Variants in ASPSCR1 observed in about 807,000 individuals in gnomAD.
The protein encoded by ASPSCR1 is tether containing UBX domain for GLUT4.
ASPSCR1 carries 55 observed loss-of-function variants against 68.9 expected under a neutral mutation model. The observed-to-expected ratio is 0.80, with a 90% confidence interval of 0.64 to 1.00. The LOEUF is 1.00. ASPSCR1 is among the 50% of genes least tolerant of loss of function. The probability of loss-of-function intolerance (pLI) is 0.00; values close to 1 mark genes in which losing one functional copy is unlikely to be tolerated. For missense variants in ASPSCR1, 765 were observed against 762.2 expected, an observed-to-expected ratio of 1.00 and a Z score of -0.04; for synonymous variants, 352 against 332.6, an observed-to-expected ratio of 1.06 and a Z score of -0.63.
rs762233864 is a variant in ASPSCR1, at chr17:81,983,683, G to C, written c.273+15G>C. 3 of 1,590,210 alleles carry C rather than the reference G, an allele frequency of 1.9e-6. No homozygotes were observed. The highest frequency in any genetic ancestry group is 2.2e-5 in the East Asian group (1 of 44,500). The stretch of plus-strand genomic sequence containing the variant: ...CTGAGAACATGGTGGGTCGTGCTCT[G>C]GGGGAGGCTGACTGTGTGGGGCACA... On this transcript the variant is annotated intron_variant, in intron 3 of 15. Transcript: ENST00000306739. This position sits in a 1 kb window ranked among gnomAD's most constrained non-coding sequence, Gnocchi z 4.4.
chr17:81,996,048 G>T lies in ASPSCR1; in HGVS notation c.489G>T (p.Gly163=). The T allele has an allele frequency of 6.2e-7, 1 of 1,609,438 alleles. No homozygotes were observed. The highest frequency in any genetic ancestry group is 1.1e-5 in the South Asian group (1 of 90,372). The change falls in exon 6 of 16, where the codon GGG becomes GGT. Residue 163 remains glycine (G), a synonymous_variant. Coordinates refer to ENST00000306739, the MANE Select transcript of ASPSCR1 (RefSeq NM_024083.4). ...CGCTGCAGTCGCTGGGCCTGACCGGGGGCAGCGCCACCATCAGGTAAGGGC... is the reference window on the plus strand; with the variant it reads ...CGCTGCAGTCGCTGGGCCTGACCGGTGGCAGCGCCACCATCAGGTAAGGGC... ...GTTLQSLGLT[G]GSATIRFVMK...
chr17:81,979,446 T>C (rs537823314), intron 2 of ASPSCR1, among the ~76,000 whole-genome samples: 6 of 152,358 alleles, frequency 3.9e-5, no homozygotes, highest in Non-Finnish European at 7.3e-5. Context: ...CAGCTTCTCA[T>C]GGCTCCAAGC....
intron 4 of ASPSCR1, among the ~76,000 whole-genome samples, chr17:81,992,557 G>A (rs1747363234): frequency 6.6e-6 from 1 of 152,184 alleles, no homozygotes; most frequent in Non-Finnish European, 1.5e-5. Flanking sequence ...GTAGAGAAGT[G>A]GCCTCATGAC....
In ASPSCR1 at chr17:81,983,485, G is replaced by A; in HGVS notation, c.159-69G>A. The A allele has an allele frequency of 7.7e-7, 1 of 1,304,846 alleles. No homozygotes were observed. 80.8% of individuals were successfully genotyped at this position (1,304,846 alleles called of 1,614,324 possible). A position where few individuals can be genotyped will look rare whatever the true frequency, so the allele number is the denominator to read the frequency against. On this transcript the variant is annotated intron_variant, in intron 2 of 15. Transcript: ENST00000306739. This position sits in a 1 kb window ranked among gnomAD's most constrained non-coding sequence, Gnocchi z 4.4. ...GGGGCGTGGATGGTGGGACGGGGAT[G>A]GCGGGGCGTGGATGGCAGGGCGTGT... is the stretch of plus-strand genomic sequence containing the variant.
chr17:82,003,807 C>A (rs895770820), intron 7 of ASPSCR1, among the ~76,000 whole-genome samples: 3 of 152,258 alleles, frequency 2.0e-5, no homozygotes, highest in African/African-American at 7.2e-5. Context: ...ACGTCCCAGG[C>A]CTTTGATGGC....
At chr17:82,011,746 G>C in intron 11 of ASPSCR1, 141 bp downstream of exon 11, 1 of 908,440 alleles carries the variant, frequency 1.1e-6, no homozygotes. Flanking sequence ...GGTGCCTCCT[G>C]CAGCCCATGG....
intron 3 of ASPSCR1, among the ~76,000 whole-genome samples, chr17:81,984,883 C>G (rs1321795226): frequency 4.0e-5 from 4 of 100,702 alleles, no homozygotes; most frequent in Non-Finnish European, 8.2e-5. Context: ...CGCACACACA[C>G]CCCCCACACA....
At chr17:82,009,011 C>T (rs979429298) in intron 7 of ASPSCR1, 26 bp from the exon 8 acceptor site, 3 of 1,478,984 alleles carry the variant, frequency 2.0e-6, no homozygotes, top group Admixed American at 4.7e-5. Context: ...GTGACACCCG[C>T]CGTCAGCCGC....
At chr17:81,991,303 C>T (rs1015513681) in intron 4 of ASPSCR1, among the ~76,000 whole-genome samples, 1 of 152,340 alleles carries the variant, frequency 6.6e-6, no homozygotes, top group East Asian at 1.9e-4. Context: ...CCCCAGCCCT[C>T]TGCTCCCAGC....
chr17:81,986,802 T>C lies in ASPSCR1; in HGVS notation c.374+1195T>C, dbSNP rs1417688230. On this transcript the variant is annotated intron_variant, in intron 4 of 15. Transcript: ENST00000306739. This position sits in a 1 kb window ranked among gnomAD's most constrained non-coding sequence, Gnocchi z 5.2. ...CGCTTGGTGGCCCCAGGGCTGGGCC[T>C]GCTCCCGTCTGACAGTAGTGCCGCG... 5.5e-5 allele frequency among the ~76,000 whole-genome samples: 8 copies of C among 145,198 alleles called. No homozygotes were observed. The highest frequency in any genetic ancestry group is 3.0e-5 in the Non-Finnish European group (2 of 66,604).
At position 82,017,300 on chromosome 17, in the gene ASPSCR1, G is replaced by C; in HGVS notation, c.1649-9G>C. ...GGTGTGTGGTCACCCTGATGTGTCT[G>C]CACTACAGCCAGCAAGAGGTGAGAG... On this transcript the variant is annotated splice_polypyrimidine_tract_variant and intron_variant, in intron 15 of 15. Coordinates refer to ENST00000306739, the MANE Select transcript of ASPSCR1 (RefSeq NM_024083.4). 1 of 1,611,334 alleles carries C rather than the reference G, an allele frequency of 6.2e-7. No individual in the cohort carries two copies. Among genetic ancestry groups the C allele is most frequent in the Non-Finnish European group, 8.5e-7 (1 of 1,179,932 alleles).
chr17:82,010,119 ACC>A, intron 9 of ASPSCR1: 4 of 289,366 alleles, frequency 1.4e-5, no homozygotes, highest in Non-Finnish European at 2.0e-5. Context: ...ATGGAGTTTT[ACC>A]ATGTTGGCCC....
At chr17:81,995,172 A>C (rs1598405614) in intron 5 of ASPSCR1, 2 of 474,778 alleles carry the variant, frequency 4.2e-6, no homozygotes, top group South Asian at 4.2e-5. Flanking sequence ...CATTTTCAAA[A>C]CCGAGTGTGG....
chr17:82,014,838 G>C, intron 12 of ASPSCR1: 1 of 585,680 alleles, frequency 1.7e-6, no homozygotes, highest in East Asian at 2.9e-5. Flanking sequence ...TGGATTTGGG[G>C]CCCCAGTGTC....
rs2042116972 is a variant in ASPSCR1 at position 81,990,261 on chromosome 17, T to TCGGTCTGGGCCGGGCATGTA, written c.375-4560_375-4559insCGGTCTGGGCCGGGCATGTA. ...CTTGAGACCTGCATGTATGGTGCAC[T>TCGGTCTGGGCCGGGCATGTA]TGGAGCATCTCGGTCTGGGCCGGGT... On this transcript the variant is annotated intron_variant, in intron 4 of 15. Transcript: ENST00000306739. This position sits in a 1 kb window ranked among gnomAD's most constrained non-coding sequence, Gnocchi z 4.1. 6.6e-6 allele frequency among the ~76,000 whole-genome samples: 1 copy of TCGGTCTGGGCCGGGCATGTA among 152,214 alleles called. No individual in the cohort carries two copies. The highest frequency in any genetic ancestry group is 2.4e-5 in the African/African-American group (1 of 41,446).
chr17:81,989,133 A>G (rs1176137963), intron 4 of ASPSCR1, among the ~76,000 whole-genome samples: 1 of 152,150 alleles, frequency 6.6e-6, no homozygotes, highest in East Asian at 1.9e-4. Context: ...ACTTGAACTC[A>G]GGAGGTGGAG....
intron 7 of ASPSCR1, among the ~76,000 whole-genome samples, chr17:81,997,314 C>T (rs544160036): frequency 6.6e-4 from 100 of 152,062 alleles, no homozygotes; most frequent in African/African-American, 2.3e-3. Flanking sequence ...GTGGGGCATT[C>T]AGAAATCTCT....
In ASPSCR1 at chr17:82,017,149, C is replaced by T. The variant is rs768355936; in HGVS notation, c.1648+36C>T. ...TGGGTGGAAGGTGGGGTGCTGTGGC[C>T]GGGTGGAGGGCGGGGGTCCGGGTGC... is the stretch of plus-strand genomic sequence containing the variant. On this transcript the variant is annotated intron_variant, in intron 15 of 15. Transcript: ENST00000306739. The T allele has an allele frequency of 2.6e-4, 398 of 1,559,306 alleles. No homozygotes were observed. In the Middle Eastern group the frequency reaches 3.1e-3, roughly 12 times the overall value.
rs143832979 is a variant in ASPSCR1, at chr17:82,012,259, C to T, written c.1329C>T (p.Asp443=). The T allele has an allele frequency of 1.2e-5, 20 of 1,613,426 alleles. No individual in the cohort carries two copies. The highest frequency in any genetic ancestry group is 2.2e-5 in the East Asian group (1 of 44,884). ...TCACCCCTCCAAAAACAGTCCTGGA[C>T]GACCACACGCAGACCCTCTTTCAGG... ...LFITPPKTVL[D]DHTQTLFQAN... The change falls in exon 12 of 16, where the codon GAC becomes GAT. Residue 443 remains aspartate, a synonymous_variant. Transcript: ENST00000306739.
Sources: allele counts gnomAD v4.1 joint callset (sites outside exome capture counted in the v4.1 genomes callset), GRCh38; gene constraint gnomAD v4.1.1; non-coding constraint Gnocchi (gnomAD v3.1); transcripts MANE v1.5; gene names NCBI Gene and HGNC (gene_info 2026-07-23, HGNC 2026-07-21).